PRKD3: variants seen among roughly 807,000 people sequenced by gnomAD.
The protein encoded by PRKD3 is protein kinase D3.
A neutral mutation model predicts 99.2 loss-of-function variants in PRKD3; 47 were observed. That is an observed-to-expected ratio of 0.47 (90% CI 0.38 to 0.60). PRKD3 has a LOEUF of 0.60. Among genes scored for constraint, PRKD3 ranks in the 20% least tolerant of loss-of-function variants. The pLI, the probability that PRKD3 is intolerant of heterozygous loss-of-function variation, is 0.00. For missense variants in PRKD3, 1,019 were observed against 1,088.4 expected, an observed-to-expected ratio of 0.94 and a Z score of 0.90; for synonymous variants, 392 against 355.4, an observed-to-expected ratio of 1.10 and a Z score of -1.16.
At chr2:37,298,410 TA>T (rs879435231) in intron 2 of PRKD3, among the ~76,000 whole-genome samples, 17 of 69,450 alleles carry the variant, frequency 2.4e-4, no homozygotes, top group African/African-American at 9.7e-4. Context: ...TTAACAAAGT[TA>T]TTTTTTTTTT....
At position 37,308,180 on chromosome 2, in the gene PRKD3, T is replaced by C. The variant is rs192326033; in HGVS notation, c.288+8057A>G. On this transcript the variant is annotated intron_variant, in intron 2 of 18. Coordinates refer to ENST00000234179, the MANE Select transcript of PRKD3 (RefSeq NM_005813.6). ...TTTTCTTACCAATACATGAGCTCTA[T>C]GTAGAAAGAAGACATTAACCTATAT... Among the ~76,000 whole-genome samples the C allele has an allele frequency of 2.4e-3, 361 of 152,366 alleles. 1 individual carries two copies. The highest frequency in any genetic ancestry group is 8.2e-3 in the African/African-American group (340 of 41,588).
At chr2:37,297,320 C>G (rs950530843) in intron 2 of PRKD3, among the ~76,000 whole-genome samples, 1 of 152,138 alleles carries the variant, frequency 6.6e-6, no homozygotes, top group South Asian at 2.1e-4. Flanking sequence ...ATTGTATATA[C>G]TCTTTAAAAA....
intron 1 of PRKD3, among the ~76,000 whole-genome samples, chr2:37,319,116 G>C (rs1447787227): frequency 2.6e-5 from 4 of 152,084 alleles, no homozygotes; most frequent in African/African-American, 9.7e-5. Context: ...AATCCTCACA[G>C]CAACTCATTA....
chr2:37,260,695 T>A (rs967570618), intron 14 of PRKD3, among the ~76,000 whole-genome samples: 1 of 152,218 alleles, frequency 6.6e-6, no homozygotes, highest in Admixed American at 6.5e-5. Flanking sequence ...TTTCATGCTT[T>A]CCCTGAATAG....
chr2:37,302,094 C>T (rs539815273), intron 2 of PRKD3, among the ~76,000 whole-genome samples: 4 of 152,166 alleles, frequency 2.6e-5, no homozygotes, highest in African/African-American at 9.7e-5. Context: ...AAGTTGGCAA[C>T]CTTTTGAAAA....
intron 5 of PRKD3, among the ~76,000 whole-genome samples, chr2:37,288,333 G>C (rs1317900151): frequency 6.6e-6 from 1 of 152,078 alleles, no homozygotes; most frequent in Non-Finnish European, 1.5e-5. Flanking sequence ...TTATGCCGCA[G>C]CACTCTTTTT....
chr2:37,263,571 G>C (rs187678737), intron 14 of PRKD3, among the ~76,000 whole-genome samples: 1 of 152,196 alleles, frequency 6.6e-6, no homozygotes, highest in Admixed American at 6.5e-5. Context: ...GTGTTATTTG[G>C]TGTAGTATGA....
chr2:37,318,752 C>T lies in PRKD3; in HGVS notation c.-655-1573G>A, dbSNP rs563830730. On this transcript the variant is annotated intron_variant, in intron 1 of 18. Transcript: ENST00000234179. ...TCCAGATGCAGTCCATTCCATACTA[C>T]TAAAGCAATTCACAAATGTAATCAC... Among the ~76,000 whole-genome samples the T allele has an allele frequency of 4.8e-4, 73 of 152,260 alleles. No homozygotes were observed. In the South Asian group the frequency reaches 0.015, roughly 31 times the overall value.
chr2:37,280,731 T>G (rs532303677), intron 7 of PRKD3, among the ~76,000 whole-genome samples: 5 of 152,032 alleles, frequency 3.3e-5, no homozygotes, highest in Non-Finnish European at 7.4e-5. Context: ...ACCAAAAAGA[T>G]AAGTGACAAC....
At chr2:37,293,608 G>A (rs1670545407) in intron 2 of PRKD3, among the ~76,000 whole-genome samples, 1 of 152,156 alleles carries the variant, frequency 6.6e-6, no homozygotes, top group Non-Finnish European at 1.5e-5. Flanking sequence ...ATAAGCAGTC[G>A]TTCCAGCGCC....
chr2:37,321,101 G>A (rs60630293), intron 1 of PRKD3, among the ~76,000 whole-genome samples: 3,460 of 152,114 alleles, frequency 0.023, 153 homozygotes, highest in African/African-American at 0.079. Flanking sequence ...TTGTCTTTAC[G>A]CTTCAATTAG....
chr2:37,265,631 A>G (rs1024285961), intron 14 of PRKD3, among the ~76,000 whole-genome samples: 12 of 152,192 alleles, frequency 7.9e-5, no homozygotes, highest in African/African-American at 2.9e-4. Context: ...AAAAGTACTT[A>G]AGTATAAATG....
At chr2:37,324,227 GGAAAT>G in intron 1 of PRKD3, 3 of 985,528 alleles carry the variant, frequency 3.0e-6, no homozygotes, top group Non-Finnish European at 3.6e-6. Context: ...CGCAAAGTGA[GGAAAT>G]GAAACGAAAA....
chr2:37,301,833 G>C (rs1292616037), intron 2 of PRKD3, among the ~76,000 whole-genome samples: 1 of 152,216 alleles, frequency 6.6e-6, no homozygotes, highest in African/African-American at 2.4e-5. Context: ...CTATTATTTA[G>C]TTTATTCCTC....
rs535229369 is a variant in PRKD3, at chr2:37,258,404, A to C, written c.2145+1179T>G. 5.3e-5 allele frequency among the ~76,000 whole-genome samples: 8 copies of C among 152,330 alleles called. No individual in the cohort carries two copies. The South Asian group carries it at 1.7e-3, about 32-fold the overall frequency. ...CCAGATTTCAGCTAACATCTTGATA[A>C]GGTAAAGATGACTTGGAAGTTTGGC... On this transcript the variant is annotated intron_variant, in intron 16 of 18. Coordinates refer to ENST00000234179, the MANE Select transcript of PRKD3 (RefSeq NM_005813.6).
chr2:37,256,999 A>G, intron 16 of PRKD3, 70 bp from the exon 17 acceptor site: 1 of 1,493,688 alleles, frequency 6.7e-7, no homozygotes, highest in Non-Finnish European at 9.2e-7. Context: ...CCCTAAATAT[A>G]ACACTGTATG....
chr2:37,259,866 T>G (rs1668275812), intron 15 of PRKD3, among the ~76,000 whole-genome samples, 185 bp from the exon 16 acceptor site: 2 of 152,158 alleles, frequency 1.3e-5, no homozygotes, highest in Admixed American at 1.3e-4. Context: ...TACTGCTATT[T>G]AATTATTTTA....
chr2:37,289,392 G>C lies in PRKD3; in HGVS notation c.681C>G (p.Pro227=), dbSNP rs758182942. ...GAAGGGCTACATATTCAGGCTGTAGGGGTCTTGGAACTGAGAGGCCGGGTC... is the reference window on the plus strand; with the variant it reads ...GAAGGGCTACATATTCAGGCTGTAGCGGTCTTGGAACTGAGAGGCCGGGTC... ...LPGPGLSVPR[P]LQPEYVALPS... The change falls in exon 5 of 19, where the codon CCC becomes CCG. Residue 227 remains proline, a synonymous_variant. Coordinates refer to ENST00000234179, the MANE Select transcript of PRKD3 (RefSeq NM_005813.6). 6.2e-7 allele frequency: 1 copy of C among 1,614,058 alleles called. No individual in the cohort carries two copies. Among genetic ancestry groups the C allele is most frequent in the South Asian group, 1.1e-5 (1 of 91,074 alleles).
intron 4 of PRKD3, among the ~76,000 whole-genome samples, chr2:37,290,267 C>T (rs2124836460): frequency 6.6e-6 from 1 of 152,136 alleles, no homozygotes; most frequent in East Asian, 1.9e-4. Context: ...TTCGCTCTTT[C>T]ACCCAGGCTG....
Sources: allele counts gnomAD v4.1 joint callset (sites outside exome capture counted in the v4.1 genomes callset), GRCh38; gene constraint gnomAD v4.1.1; transcripts MANE v1.5; gene names NCBI Gene and HGNC (gene_info 2026-07-23, HGNC 2026-07-21).